The following NKAIN3 variants were observed in gnomAD, a reference collection of about 807,000 sequenced individuals.
The protein encoded by NKAIN3 is sodium/potassium transporting ATPase interacting 3.
Under a neutral mutation model 30.2 loss-of-function variants are expected in NKAIN3, and 25 were observed. The observed-to-expected ratio is 0.83, with a 90% CI of 0.60 to 1.16. The LOEUF is 1.16. NKAIN3 is among the 50% of genes most tolerant of loss of function. The pLI, the probability that NKAIN3 is intolerant of heterozygous loss-of-function variation, is 0.00. For synonymous variants in NKAIN3, 91 were observed against 89.6 expected, an observed-to-expected ratio of 1.02 and a Z score of -0.09; for missense variants, 225 against 254.1, an observed-to-expected ratio of 0.89 and a Z score of 0.78.
intron 1 of NKAIN3, among the ~76,000 whole-genome samples, chr8:62,485,809 C>G: frequency 6.6e-6 from 1 of 152,138 alleles, no homozygotes; most frequent in Non-Finnish European, 1.5e-5. Context: ...TTCTGGAGGT[C>G]AACTTGAGAG....
chr8:62,442,180 A>C (rs1310123036), intron 1 of NKAIN3, among the ~76,000 whole-genome samples: 1 of 152,022 alleles, frequency 6.6e-6, no homozygotes, highest in Admixed American at 6.6e-5. Flanking sequence ...AGTTTAGCTT[A>C]TCTGTTCCTT....
intron 3 of NKAIN3, among the ~76,000 whole-genome samples, chr8:62,732,555 A>G (rs1324376963): frequency 1.1e-5 from 1 of 92,116 alleles, no homozygotes; most frequent in Non-Finnish European, 3.2e-5. Flanking sequence ...TTCTAGCTGC[A>G]TGTATTAGAT....
intron 3 of NKAIN3, among the ~76,000 whole-genome samples, chr8:62,613,934 A>T (rs1811366836): frequency 6.6e-6 from 1 of 151,932 alleles, no homozygotes; most frequent in African/African-American, 2.4e-5. Context: ...CATTATCTTG[A>T]ATTTCTTTGA....
At chr8:62,329,515 C>A (rs1396020168) in intron 1 of NKAIN3, among the ~76,000 whole-genome samples, 1 of 152,054 alleles carries the variant, frequency 6.6e-6, no homozygotes, top group East Asian at 1.9e-4. Flanking sequence ...CAGTGATCCC[C>A]AGTGTTTATC....
At chr8:62,852,929 T>A (rs1819953190) in intron 4 of NKAIN3, among the ~76,000 whole-genome samples, 1 of 152,216 alleles carries the variant, frequency 6.6e-6, no homozygotes. Context: ...ATGTATATTC[T>A]GTTGATTTGA....
At chr8:62,500,490 A>AAG (rs1563427561) in intron 1 of NKAIN3, among the ~76,000 whole-genome samples, 5,625 of 138,670 alleles carry the variant, frequency 0.041, 170 homozygotes, top group African/African-American at 0.073. Flanking sequence ...AGAAAGAAGA[A>AAG]AAGAAAGAAA....
At chr8:62,702,260 G>A (rs1463598323) in intron 3 of NKAIN3, among the ~76,000 whole-genome samples, 2 of 152,102 alleles carry the variant, frequency 1.3e-5, no homozygotes, top group Non-Finnish European at 2.9e-5. Flanking sequence ...AGTATGTCAT[G>A]TGTATTATAT....
intron 1 of NKAIN3, among the ~76,000 whole-genome samples, chr8:62,438,157 C>T (rs987702299): frequency 6.6e-6 from 1 of 152,228 alleles, no homozygotes; most frequent in Non-Finnish European, 1.5e-5. Context: ...CACTCCTCTT[C>T]TGGGCTGCTT....
At chr8:62,671,596 T>C (rs1813304422) in intron 3 of NKAIN3, among the ~76,000 whole-genome samples, 1 of 152,184 alleles carries the variant, frequency 6.6e-6, no homozygotes, top group Non-Finnish European at 1.5e-5. Flanking sequence ...GCCCTTTGTT[T>C]TCCAAGTAGT....
Position 62,968,721 on chromosome 8 carries a change from C to T in NKAIN3, c.*3314C>T, listed in dbSNP as rs16929986. Among the ~76,000 whole-genome samples the T allele has an allele frequency of 0.12, 17,760 of 152,188 alleles. 1,197 individuals are homozygous for T. The highest frequency in any genetic ancestry group is 0.22 in the East Asian group (1,128 of 5,162). The stretch of plus-strand genomic sequence containing the variant: ...ACTGAGTCTTGTAAACCTTGGCCAG[C>T]CCTTCCTCAGGCCGTGCCTTCTATC... On this transcript the variant is annotated 3_prime_UTR_variant, in exon 7 of 7. Coordinates refer to ENST00000623646, the MANE Select transcript of NKAIN3 (RefSeq NM_001304533.3).
At chr8:62,839,415 G>GA (rs903996592) in intron 4 of NKAIN3, among the ~76,000 whole-genome samples, 46 of 150,566 alleles carry the variant, frequency 3.1e-4, no homozygotes, top group Non-Finnish European at 4.9e-4. Flanking sequence ...AAAATTGGTA[G>GA]AAAAAAAACA....
chr8:62,576,845 A>G (rs924574070), intron 1 of NKAIN3, among the ~76,000 whole-genome samples: 4 of 152,084 alleles, frequency 2.6e-5, no homozygotes, highest in Non-Finnish European at 2.9e-5. Context: ...TGACTTAACA[A>G]AGCAACTTGG....
rs1804940107 is a variant in NKAIN3, at chr8:62,429,901, T to A, written c.55-149638T>A. Among the ~76,000 whole-genome samples, 3 of 151,904 alleles carry A rather than the reference T, an allele frequency of 2.0e-5. No individual in the cohort carries two copies. In the South Asian group the frequency reaches 6.2e-4, roughly 31 times the overall value. On this transcript the variant is annotated intron_variant, in intron 1 of 6. Coordinates refer to ENST00000623646, the MANE Select transcript of NKAIN3 (RefSeq NM_001304533.3). ...TATTGTTTAGTGGTATTAAATTCATTTATAATGTTGTGCAGCCACCATCAC... is the reference window on the plus strand; with the variant it reads ...TATTGTTTAGTGGTATTAAATTCATATATAATGTTGTGCAGCCACCATCAC...
At chr8:62,761,905 C>A (rs73254893) in intron 4 of NKAIN3, among the ~76,000 whole-genome samples, 12 of 152,252 alleles carry the variant, frequency 7.9e-5, no homozygotes, top group African/African-American at 2.6e-4. Context: ...GGGAGAGAAA[C>A]AATTTGGCCC....
intron 4 of NKAIN3, among the ~76,000 whole-genome samples, chr8:62,891,620 G>C (rs1247916820): frequency 6.6e-6 from 1 of 152,250 alleles, no homozygotes; most frequent in African/African-American, 2.4e-5. Flanking sequence ...AATCGAGCCA[G>C]CTTGACTTCA....
Position 62,249,035 on chromosome 8 carries a change from A to C in NKAIN3, c.-39A>C, listed in dbSNP as rs1811988762. ...GAGGCAGCAGCGGCGGAGGACGAGG[A>C]TCTCTGGCAGTCAGCGCCGCTCGGA... On this transcript the variant is annotated 5_prime_UTR_variant, in exon 1 of 7. Coordinates refer to ENST00000623646, the MANE Select transcript of NKAIN3 (RefSeq NM_001304533.3). 6.6e-7 allele frequency: 1 copy of C among 1,521,104 alleles called. No individual in the cohort carries two copies. The allele number at this position is 1,521,104 out of a possible 1,614,324, so 94.2% of individuals were successfully genotyped here.
chr8:62,527,000 A>G (rs1808323663), intron 1 of NKAIN3, among the ~76,000 whole-genome samples: 1 of 152,056 alleles, frequency 6.6e-6, no homozygotes, highest in South Asian at 2.1e-4. Flanking sequence ...GCTCCATCCC[A>G]CCATAGCTTC....
At chr8:62,383,477 G>A (rs1425409553) in intron 1 of NKAIN3, 1 of 454,532 alleles carries the variant, frequency 2.2e-6, no homozygotes, top group East Asian at 7.0e-5. Flanking sequence ...TCCAGAATAG[G>A]GCACTTTTGT....
chr8:62,945,300 T>A (rs1823090578), intron 5 of NKAIN3, among the ~76,000 whole-genome samples: 1 of 152,224 alleles, frequency 6.6e-6, no homozygotes, highest in African/African-American at 2.4e-5. Context: ...CAAAAATACA[T>A]AATGACCTAT....
Sources: allele counts gnomAD v4.1 joint callset (sites outside exome capture counted in the v4.1 genomes callset), GRCh38; gene constraint gnomAD v4.1.1; transcripts MANE v1.5; gene names NCBI Gene and HGNC (gene_info 2026-07-23, HGNC 2026-07-21).